Variants in GIMAP4 observed in about 807,000 individuals in gnomAD.
GIMAP4 encodes GTPase, IMAP family member 4.
Under a neutral mutation model 10.8 loss-of-function variants are expected in GIMAP4, and 12 were observed. The ratio of observed to expected loss-of-function variants is 1.11; its 90% CI spans 0.71 to 1.81. GIMAP4 has a LOEUF of 1.81. Among genes scored for constraint, GIMAP4 ranks in the 40% most tolerant of loss-of-function variants. The pLI is 0.00. For missense variants in GIMAP4, 412 were observed against 404.6 expected (o/e 1.02, Z -0.16); for synonymous variants, 149 against 147.2 (o/e 1.01, Z -0.09).
In GIMAP4 at chr7:150,569,868, T is replaced by G. The variant is rs1293001393; in HGVS notation, c.-14-20T>G. The G allele has an allele frequency of 9.3e-7, 1 of 1,073,488 alleles. No individual in the cohort carries two copies. The highest frequency in any genetic ancestry group is 1.5e-5 in the African/African-American group (1 of 64,590). The allele number at this position is 1,073,488 out of a possible 1,614,324, so 66.5% of individuals were successfully genotyped here. Reference sequence around the variant, plus strand: ...CTTCCATTTCCCTAAAATGACATGGTTATGTTTCTTGATCTACAGGAGTTC... The same window carrying G: ...CTTCCATTTCCCTAAAATGACATGGGTATGTTTCTTGATCTACAGGAGTTC... On this transcript the variant is annotated intron_variant, in intron 1 of 2. Transcript: ENST00000255945.
chr7:150,567,509 T>C (rs1272027768), intron 1 of GIMAP4, 72 bp downstream of exon 1: 1 of 152,176 alleles, frequency 6.6e-6, no homozygotes, highest in African/African-American at 2.4e-5. Flanking sequence ...GACCTGTATC[T>C]TAAATCGTCT....
chr7:150,572,033 G>T, intron 2 of GIMAP4, 96 bp from the exon 3 acceptor site: 1 of 744,728 alleles, frequency 1.3e-6, no homozygotes. Context: ...CCCACAGCCA[G>T]TAACGGAGGA....
In GIMAP4 at chr7:150,572,176, G is replaced by A. The variant is rs201549146; in HGVS notation, c.106G>A (p.Val36Met). Residue 36 changes from valine to methionine, a missense_variant, in exon 3 of 3, where the codon GTG becomes ATG. Transcript: ENST00000255945. ...PRNSQLRIVL[V>M]GKTGAGKSAT... ...AAATTCCCAATTGAGAATTGTGTTAGTGGGTAAAACCGGAGCAGGAAAAAG... is the reference window on the plus strand; with the variant it reads ...AAATTCCCAATTGAGAATTGTGTTAATGGGTAAAACCGGAGCAGGAAAAAG... The A allele has an allele frequency of 1.1e-5, 17 of 1,613,920 alleles. No homozygotes were observed. The highest frequency in any genetic ancestry group is 1.4e-5 in the Non-Finnish European group (16 of 1,179,936).
chr7:150,569,978 C>A lies in GIMAP4; in HGVS notation c.58+19C>A. Reference sequence around the variant, plus strand: ...AGTTATGGTGAGAGGGCATTCAGTGCTCCCCAGACCAGGCTGCAGGGAGGT... The same window carrying A: ...AGTTATGGTGAGAGGGCATTCAGTGATCCCCAGACCAGGCTGCAGGGAGGT... On this transcript the variant is annotated intron_variant, in intron 2 of 2. Coordinates refer to ENST00000255945, the MANE Select transcript of GIMAP4 (RefSeq NM_018326.3). The A allele has an allele frequency of 1.3e-6, 2 of 1,558,598 alleles. No individual in the cohort carries two copies. The highest frequency in any genetic ancestry group is 1.8e-6 in the Non-Finnish European group (2 of 1,134,460).
rs193193252 is a variant in GIMAP4, at chr7:150,571,704, C to A, written c.59-425C>A. Among the ~76,000 whole-genome samples, 642 of 152,232 alleles carry A rather than the reference C, an allele frequency of 4.2e-3. 50 individuals are homozygous for A. The South Asian group carries it at 0.13, about 30-fold the overall frequency. On this transcript the variant is annotated intron_variant, in intron 2 of 2. Transcript: ENST00000255945. Reference sequence around the variant, plus strand: ...GCTGAGGCAGGAGAATCGCTTGAACCCAGGAGGCAGAGGTTGTAGTGAGCC... The same window carrying A: ...GCTGAGGCAGGAGAATCGCTTGAACACAGGAGGCAGAGGTTGTAGTGAGCC...
At chr7:150,569,404 G>A (rs1367634937) in intron 1 of GIMAP4, among the ~76,000 whole-genome samples, 1 of 152,174 alleles carries the variant, frequency 6.6e-6, no homozygotes, top group African/African-American at 2.4e-5. Context: ...AGGAGCCACG[G>A]GGCTAGATGT....
intron 2 of GIMAP4, among the ~76,000 whole-genome samples, chr7:150,571,608 C>A (rs1265042077): frequency 6.6e-6 from 1 of 152,050 alleles, no homozygotes; most frequent in South Asian, 2.1e-4. Context: ...TGGCGAAACC[C>A]CGTCTCTACT....
rs1460567526 is a variant in GIMAP4, at chr7:150,572,568, C to T, written c.498C>T (p.Asp166=). The change falls in exon 3 of 3, where the codon GAC becomes GAT. Residue 166 remains aspartate, a synonymous_variant. Transcript: ENST00000255945. The part of the protein sequence containing the change: ...KDDLGDTNLH[D]YLREAPEDIQ... ...ACTTAGGTGACACCAATTTGCATGACTACTTAAGGGAAGCTCCAGAAGACA... is the reference window on the plus strand; with the variant it reads ...ACTTAGGTGACACCAATTTGCATGATTACTTAAGGGAAGCTCCAGAAGACA... 2.5e-6 allele frequency: 4 copies of T among 1,613,904 alleles called. No individual in the cohort carries two copies. In the African/African-American group the frequency reaches 4.0e-5, roughly 16 times the overall value.
At chr7:150,567,655 G>A (rs1795678868) in intron 1 of GIMAP4, 1 of 152,132 alleles carries the variant, frequency 6.6e-6, no homozygotes, top group Non-Finnish European at 1.5e-5. Context: ...GAGGATACTT[G>A]TTTTACAAAT....
chr7:150,572,383 C>T lies in GIMAP4; in HGVS notation c.313C>T (p.Arg105Cys), dbSNP rs867675378. The change falls in exon 3 of 3, where the codon CGC (arginine) becomes TGC (cysteine). Residue 105 changes from arginine (R) to cysteine (C), a missense_variant. Transcript: ENST00000255945. ...PNAETSKEII[R>C]CILLTSPGPH... ...TGCTGAAACGTCCAAGGAGATTATT[C>T]GCTGCATTCTTCTGACCTCCCCAGG... The T allele has an allele frequency of 1.9e-6, 3 of 1,613,972 alleles. No individual in the cohort carries two copies. Among genetic ancestry groups the T allele is most frequent in the African/African-American group, 2.7e-5 (2 of 74,906 alleles).
In GIMAP4 at chr7:150,572,170, G is replaced by C; in HGVS notation, c.100G>C (p.Val34Leu). 2 of 1,613,924 alleles carry C rather than the reference G, an allele frequency of 1.2e-6. No homozygotes were observed. Among genetic ancestry groups the C allele is most frequent in the Non-Finnish European group, 1.7e-6 (2 of 1,179,804 alleles). ...QEPRNSQLRI[V>L]LVGKTGAGKS... ...GCCCAGAAATTCCCAATTGAGAATT[G>C]TGTTAGTGGGTAAAACCGGAGCAGG... is the stretch of plus-strand genomic sequence containing the variant. Residue 34 changes from valine (V) to leucine (L), a missense_variant, in exon 3 of 3, where the codon GTG becomes CTG. Physicochemically the swap from Val to Leu is conservative, Grantham distance 32. Transcript: ENST00000255945.
chr7:150,567,886 G>C (rs1795681989), intron 1 of GIMAP4, among the ~76,000 whole-genome samples: 1 of 152,162 alleles, frequency 6.6e-6, no homozygotes, highest in African/African-American at 2.4e-5. Context: ...TTAACTGTCT[G>C]CTCGGAGCTG....
chr7:150,572,709 G>A lies in GIMAP4; in HGVS notation c.639G>A (p.Val213=). 1.2e-6 allele frequency: 2 copies of A among 1,614,226 alleles called. No individual in the cohort carries two copies. Among genetic ancestry groups the A allele is most frequent in the Admixed American group, 1.7e-5 (1 of 60,030 alleles). The part of the protein sequence containing the change: ...AQLLGLIQRV[V]RENKEGCYTN... ...TGCTGGGCCTGATCCAGCGCGTGGTGAGGGAGAACAAGGAAGGCTGCTACA... is the reference window on the plus strand; with the variant it reads ...TGCTGGGCCTGATCCAGCGCGTGGTAAGGGAGAACAAGGAAGGCTGCTACA... Residue 213 remains valine, a synonymous_variant, in exon 3 of 3, where the codon GTG becomes GTA. Coordinates refer to ENST00000255945, the MANE Select transcript of GIMAP4 (RefSeq NM_018326.3).
At chr7:150,570,933 G>A (rs1341716199) in intron 2 of GIMAP4, among the ~76,000 whole-genome samples, 1 of 152,158 alleles carries the variant, frequency 6.6e-6, no homozygotes, top group African/African-American at 2.4e-5. Context: ...CAGTTGAAGA[G>A]ACAGATAGCA....
At chr7:150,570,746 C>T (rs1390749541) in intron 2 of GIMAP4, among the ~76,000 whole-genome samples, 1 of 148,926 alleles carries the variant, frequency 6.7e-6, no homozygotes, top group Non-Finnish European at 1.5e-5. Flanking sequence ...ATAGAGATAA[C>T]TGGGCCTTGT....
intron 1 of GIMAP4, among the ~76,000 whole-genome samples, chr7:150,568,633 A>G (rs945524985): frequency 2.0e-4 from 30 of 152,244 alleles, no homozygotes; most frequent in African/African-American, 7.2e-4. Flanking sequence ...GATCAATCAA[A>G]GGCAAGAAGC....
Position 150,572,983 on chromosome 7 carries a change from G to A in GIMAP4, c.913G>A (p.Asp305Asn). ...QRARTEVESK[D>N]GILELIMTAL... ...GGCAAGAACGGAAGTGGAGAGTAAG[G>A]ATGGGATACTTGAATTAATCATGAC... is the stretch of plus-strand genomic sequence containing the variant. Residue 305 changes from aspartate (D) to asparagine (N), a missense_variant, in exon 3 of 3, where the codon GAT (aspartate) becomes AAT (asparagine). Coordinates refer to ENST00000255945, the MANE Select transcript of GIMAP4 (RefSeq NM_018326.3). 1 of 1,613,390 alleles carries A rather than the reference G, an allele frequency of 6.2e-7. No homozygotes were observed. Among genetic ancestry groups the A allele is most frequent in the Non-Finnish European group, 8.5e-7 (1 of 1,179,288 alleles).
At chr7:150,570,232 GCA>G (rs1488704486) in intron 2 of GIMAP4, among the ~76,000 whole-genome samples, 2 of 152,164 alleles carry the variant, frequency 1.3e-5, no homozygotes, top group Non-Finnish European at 2.9e-5. Flanking sequence ...CCAGGGCTCG[GCA>G]CAGTTTCTTA....
intron 2 of GIMAP4, among the ~76,000 whole-genome samples, chr7:150,570,311 C>T (rs1163291707): frequency 1.3e-5 from 2 of 152,058 alleles, no homozygotes; most frequent in Admixed American, 1.3e-4. Context: ...TGTTTTTCTG[C>T]CCCTTTCTTC....
Sources: gnomAD v4.1 joint callset for allele counts (sites outside exome capture counted in the v4.1 genomes callset) on GRCh38, gnomAD v4.1.1 for gene constraint, MANE v1.5 for transcripts, NCBI Gene and HGNC (gene_info 2026-07-23, HGNC 2026-07-21) for gene names.